The following TACR1 variants were observed in gnomAD, a reference collection of about 807,000 sequenced individuals.
TACR1 encodes the protein substance-P receptor.
Under a neutral mutation model 35.8 loss-of-function variants are expected in TACR1, and 25 were observed. The ratio of observed to expected loss-of-function variants is 0.70; its 90% CI spans 0.51 to 0.98. The LOEUF is 0.98. Ranked by LOEUF, TACR1 falls within the 50% of genes least tolerant of loss-of-function variation. TACR1 has a pLI of 0.00. For missense variants in TACR1, 478 were observed against 522.9 expected (o/e 0.91, Z 0.84); for synonymous variants, 195 against 206.7 (o/e 0.94, Z 0.48).
chr2:75,108,844 A>G (rs547985849), intron 2 of TACR1, among the ~76,000 whole-genome samples: 1 of 152,314 alleles, frequency 6.6e-6, no homozygotes, highest in East Asian at 1.9e-4. Context: ...TTTCAAAATC[A>G]TTTCAAAATT....
At chr2:75,079,323 C>T (rs79127012) in intron 2 of TACR1, among the ~76,000 whole-genome samples, 2,012 of 152,238 alleles carry the variant, frequency 0.013, 33 homozygotes, top group African/African-American at 0.046. Context: ...GTTTCCTGAG[C>T]ATGTCTCTCT....
chr2:75,053,098 T>A (rs1672499603), intron 3 of TACR1, among the ~76,000 whole-genome samples: 1 of 152,102 alleles, frequency 6.6e-6, no homozygotes, highest in South Asian at 2.1e-4. Flanking sequence ...CAGGTATAGA[T>A]GAAAACACCA....
chr2:75,133,706 G>A (rs957711600), intron 1 of TACR1, among the ~76,000 whole-genome samples: 1 of 152,050 alleles, frequency 6.6e-6, no homozygotes, highest in Non-Finnish European at 1.5e-5. Context: ...TCTTTTCTCT[G>A]AACATATAAA....
chr2:75,123,564 G>A (rs2103915188), intron 1 of TACR1, among the ~76,000 whole-genome samples: 1 of 152,230 alleles, frequency 6.6e-6, no homozygotes, highest in East Asian at 1.9e-4. Context: ...CTTTAGTGTA[G>A]GAGCCATTTT....
chr2:75,171,556 G>C (rs1675284075), intron 1 of TACR1, among the ~76,000 whole-genome samples: 1 of 152,186 alleles, frequency 6.6e-6, no homozygotes, highest in Non-Finnish European at 1.5e-5. Context: ...CCGACCGCTT[G>C]CACTATGTGC....
Position 75,103,895 on chromosome 2 carries a change from C to T in TACR1, c.584+16679G>A, listed in dbSNP as rs574887824. On this transcript the variant is annotated intron_variant, in intron 2 of 4. Coordinates refer to ENST00000305249, the MANE Select transcript of TACR1 (RefSeq NM_001058.4). The stretch of plus-strand genomic sequence containing the variant: ...CCTCATGGTAACCACAAAGCAGAAA[C>T]ATAAAGTAGATACATAAAAGATAAA... Among the ~76,000 whole-genome samples the T allele has an allele frequency of 8.6e-5, 13 of 151,956 alleles. No individual in the cohort carries two copies. The South Asian group carries it at 2.7e-3, about 32-fold the overall frequency.
At chr2:75,178,285 A>G (rs1337738475) in intron 1 of TACR1, among the ~76,000 whole-genome samples, 3 of 151,844 alleles carry the variant, frequency 2.0e-5, no homozygotes, top group Non-Finnish European at 2.9e-5. Flanking sequence ...CCTGGGTTCA[A>G]GCGATTCTCC....
intron 1 of TACR1, among the ~76,000 whole-genome samples, chr2:75,165,349 A>G (rs969202387): frequency 2.6e-5 from 4 of 151,960 alleles, no homozygotes; most frequent in Admixed American, 1.3e-4. Context: ...TCGCTCTGTC[A>G]CCCAGGCTGG....
chr2:75,169,322 T>A (rs1675220445), intron 1 of TACR1, among the ~76,000 whole-genome samples: 1 of 152,206 alleles, frequency 6.6e-6, no homozygotes, highest in African/African-American at 2.4e-5. Flanking sequence ...TATGTCTTTG[T>A]ATTGGTTTAG....
intron 1 of TACR1, among the ~76,000 whole-genome samples, chr2:75,123,167 G>A (rs1402318925): frequency 2.0e-4 from 8 of 39,392 alleles, no homozygotes; most frequent in African/African-American, 4.7e-4. Context: ...CAAATGCAGC[G>A]GTGAAGATGC....
intron 1 of TACR1, chr2:75,154,412 A>AG (rs1674766627): frequency 1.2e-5 from 1 of 80,464 alleles, no homozygotes; most frequent in African/African-American, 5.0e-5. Flanking sequence ...GCGCGCACGC[A>AG]CACACACACA....
chr2:75,103,940 A>G (rs1673591191), intron 2 of TACR1, among the ~76,000 whole-genome samples: 1 of 152,080 alleles, frequency 6.6e-6, no homozygotes, highest in African/African-American at 2.4e-5. Flanking sequence ...ATCAAAGCAT[A>G]CTATTATAGA....
At chr2:75,119,173 A>AG (rs1413916640) in intron 2 of TACR1, among the ~76,000 whole-genome samples, 1 of 152,162 alleles carries the variant, frequency 6.6e-6, no homozygotes, top group African/African-American at 2.4e-5. Context: ...ATTTTAACTT[A>AG]AGTTTAAAGG....
chr2:75,120,718 G>A lies in TACR1; in HGVS notation c.440C>T (p.Thr147Ile). The change falls in exon 2 of 5, where the codon ACC becomes ATC. Residue 147 changes from threonine to isoleucine, a missense_variant. Coordinates refer to ENST00000305249, the MANE Select transcript of TACR1 (RefSeq NM_001058.4). ...CCAGATGACACAGATGACCACTTTG[G>A]TGGCTGTGGCTGACAGCCGGGGCTG... ...PLQPRLSATATKVVICVIWVL... is the reference protein window; with the variant it reads ...PLQPRLSATAIKVVICVIWVL... 1 of 1,613,908 alleles carries A rather than the reference G, an allele frequency of 6.2e-7. No homozygotes were observed. The highest frequency in any genetic ancestry group is 8.5e-7 in the Non-Finnish European group (1 of 1,179,958).
At chr2:75,156,471 C>T (rs535485104) in intron 1 of TACR1, among the ~76,000 whole-genome samples, 18 of 149,880 alleles carry the variant, frequency 1.2e-4, no homozygotes, top group East Asian at 5.9e-4. Flanking sequence ...GGCATGGTGG[C>T]AGGCCCCTGT....
intron 1 of TACR1, among the ~76,000 whole-genome samples, chr2:75,130,956 G>A (rs1487498904): frequency 6.6e-6 from 1 of 152,190 alleles, no homozygotes; most frequent in African/African-American, 2.4e-5. Flanking sequence ...TGTACAAAAG[G>A]TCGAGTAATA....
At position 75,118,176 on chromosome 2, in the gene TACR1, A is replaced by T. The variant is rs113352054; in HGVS notation, c.584+2398T>A. ...CTAAAAGAAGAGAATATAATTAAGT[A>T]GTCTGTTTAGACATGGTAAAATTGA... is the stretch of plus-strand genomic sequence containing the variant. On this transcript the variant is annotated intron_variant, in intron 2 of 4. Transcript: ENST00000305249. Among the ~76,000 whole-genome samples, 504 of 152,376 alleles carry T rather than the reference A, an allele frequency of 3.3e-3. 2 individuals are homozygous for T. Among genetic ancestry groups the T allele is most frequent in the African/African-American group, 0.012 (479 of 41,588 alleles).
At chr2:75,170,657 A>G (rs956859306) in intron 1 of TACR1, among the ~76,000 whole-genome samples, 3 of 152,200 alleles carry the variant, frequency 2.0e-5, no homozygotes, top group Non-Finnish European at 4.4e-5. Flanking sequence ...GATATGGACA[A>G]TAAAGTCCAG....
intron 1 of TACR1, among the ~76,000 whole-genome samples, chr2:75,164,200 A>C (rs868322698): frequency 5.9e-5 from 9 of 151,810 alleles, no homozygotes; most frequent in African/African-American, 1.5e-4. Context: ...GGTGGCGGGC[A>C]CCTGTGATCC....
Sources: gnomAD v4.1 joint callset for allele counts (sites outside exome capture counted in the v4.1 genomes callset) on GRCh38, gnomAD v4.1.1 for gene constraint, MANE v1.5 for transcripts, NCBI Gene and HGNC (gene_info 2026-07-23, HGNC 2026-07-21) for gene names.